PPP2R2B: variants seen among roughly 807,000 people sequenced by gnomAD.
The protein encoded by PPP2R2B is protein phosphatase 2 regulatory subunit Bbeta, also known as serine/threonine-protein phosphatase 2A 55 kDa regulatory subunit B beta isoform.
A neutral mutation model predicts 46.0 loss-of-function variants in PPP2R2B; 5 were observed. That is an observed-to-expected ratio of 0.11 (90% CI 0.06 to 0.23). The LOEUF is 0.23. Among genes scored for constraint, PPP2R2B ranks in the 10% least tolerant of loss-of-function variants. PPP2R2B has a pLI of 1.00. For synonymous variants in PPP2R2B, 215 were observed against 206.7 expected (o/e 1.04, Z -0.34); for missense variants, 367 against 575.0 (o/e 0.64, Z 3.70).
chr5:146,845,912 C>T (rs935266886), intron 2 of PPP2R2B, among the ~76,000 whole-genome samples: 9 of 152,140 alleles, frequency 5.9e-5, no homozygotes, highest in East Asian at 3.9e-4. Flanking sequence ...CCACTAACCA[C>T]GGGCCACTAT....
At chr5:146,791,393 T>A (rs972200468) in intron 2 of PPP2R2B, among the ~76,000 whole-genome samples, 2 of 152,124 alleles carry the variant, frequency 1.3e-5, no homozygotes, top group African/African-American at 4.8e-5. Flanking sequence ...CCCAATCTGC[T>A]GTGTGTATGT....
At chr5:146,758,585 G>T (rs1753974681) in intron 2 of PPP2R2B, among the ~76,000 whole-genome samples, 3 of 152,158 alleles carry the variant, frequency 2.0e-5, no homozygotes. Context: ...TCCCCATTAA[G>T]TTGGCTCCAT....
chr5:147,053,749 G>A (rs146524607), intron 1 of PPP2R2B, among the ~76,000 whole-genome samples: 83 of 152,208 alleles, frequency 5.5e-4, no homozygotes, highest in African/African-American at 1.9e-3. Flanking sequence ...AAAAACAGAC[G>A]GCACCTATCA....
chr5:146,876,150 G>T (rs1255119910), intron 2 of PPP2R2B, among the ~76,000 whole-genome samples: 2 of 152,192 alleles, frequency 1.3e-5, no homozygotes, highest in Admixed American at 6.5e-5. Context: ...TCACATGCCA[G>T]AAATCTCATT....
chr5:146,835,942 T>C (rs1759254457), intron 2 of PPP2R2B, among the ~76,000 whole-genome samples: 2 of 152,190 alleles, frequency 1.3e-5, no homozygotes, highest in South Asian at 4.1e-4. Flanking sequence ...ATTTAAGCTA[T>C]GGGACCAATT....
chr5:146,588,658 T>TAGA lies in PPP2R2B; in HGVS notation c.*1286_*1288dup, dbSNP rs940042634. 4 of 152,218 alleles carry TAGA rather than the reference T, an allele frequency of 2.6e-5. No individual in the cohort carries two copies. Among genetic ancestry groups the TAGA allele is most frequent in the African/African-American group, 7.2e-5 (3 of 41,460 alleles). The allele number at this position is 152,218 out of a possible 1,614,324, so 9.4% of individuals were successfully genotyped here. ...ATAGAACCTTCTGGAAATGGCTTTC[T>TAGA]AGAAGTTATAAATCTGGATCCTCAA... is the stretch of plus-strand genomic sequence containing the variant. On this transcript the variant is annotated 3_prime_UTR_variant, in exon 10 of 10. Coordinates refer to ENST00000394411, the MANE Select transcript of PPP2R2B (RefSeq NM_181675.4).
At chr5:147,042,894 A>T (rs1017270397) in intron 1 of PPP2R2B, among the ~76,000 whole-genome samples, 8 of 152,030 alleles carry the variant, frequency 5.3e-5, no homozygotes, top group Admixed American at 1.3e-4. Context: ...AGGGAGCCAC[A>T]AGTAGAAAGG....
intron 8 of PPP2R2B, among the ~76,000 whole-genome samples, chr5:146,599,153 C>A (rs1424960777): frequency 1.3e-5 from 2 of 152,158 alleles, no homozygotes; most frequent in African/African-American, 2.4e-5. Flanking sequence ...CTCTCTACTT[C>A]AAAGTCTGGT....
chr5:146,824,885 T>C (rs1403150276), intron 2 of PPP2R2B, among the ~76,000 whole-genome samples: 2 of 152,008 alleles, frequency 1.3e-5, no homozygotes, highest in Non-Finnish European at 2.9e-5. Flanking sequence ...ACCTGGCTAA[T>C]TTTTTGTGTG....
intron 1 of PPP2R2B, among the ~76,000 whole-genome samples, chr5:146,941,512 T>G (rs1764322738): frequency 6.6e-6 from 1 of 152,170 alleles, no homozygotes; most frequent in Admixed American, 6.5e-5. Context: ...TTCTGTTGCT[T>G]AGGGGTGTGT....
chr5:146,628,286 C>G (rs1455687090), intron 7 of PPP2R2B, among the ~76,000 whole-genome samples: 1 of 152,150 alleles, frequency 6.6e-6, no homozygotes, highest in Non-Finnish European at 1.5e-5. Flanking sequence ...TATGCCATTT[C>G]CCCCTCAGCA....
At chr5:146,807,560 AT>A (rs1209628953) in intron 2 of PPP2R2B, among the ~76,000 whole-genome samples, 1 of 152,094 alleles carries the variant, frequency 6.6e-6, no homozygotes, top group Non-Finnish European at 1.5e-5. Flanking sequence ...TATAGACCTC[AT>A]TTCATACTTA....
At chr5:146,997,280 T>C (rs920737967) in intron 1 of PPP2R2B, among the ~76,000 whole-genome samples, 5 of 152,162 alleles carry the variant, frequency 3.3e-5, no homozygotes, top group African/African-American at 1.2e-4. Context: ...GCCCTTCTGA[T>C]TCTCAAATCC....
chr5:146,881,800 A>C (rs1281803246), upstream of PPP2R2B, among the ~76,000 whole-genome samples: 1 of 152,174 alleles, frequency 6.6e-6, no homozygotes, highest in African/African-American at 2.4e-5. Context: ...CAAATGAATA[A>C]ATTGCTGAAT....
exon 1 of PPP2R2B, chr5:147,055,853 T>G: frequency 6.8e-7 from 1 of 1,480,272 alleles, no homozygotes; most frequent in Non-Finnish European, 8.9e-7. Context: ...TGTAGGTTCT[T>G]TCCCAGATTT....
chr5:146,829,983 A>G (rs13358456), intron 2 of PPP2R2B, among the ~76,000 whole-genome samples: 27,479 of 152,084 alleles, frequency 0.18, 2,902 homozygotes, highest in East Asian at 0.43. Flanking sequence ...GGTAAAATAG[A>G]TATTGTGAGA....
intron 2 of PPP2R2B, among the ~76,000 whole-genome samples, chr5:146,817,286 C>G (rs1000503419): frequency 1.3e-4 from 20 of 152,178 alleles, no homozygotes; most frequent in Non-Finnish European, 2.6e-4. Flanking sequence ...CCAATGTCAT[C>G]AACCAGAAAG....
At chr5:146,871,612 G>A (rs1364575960) in intron 2 of PPP2R2B, among the ~76,000 whole-genome samples, 1 of 152,228 alleles carries the variant, frequency 6.6e-6, no homozygotes, top group East Asian at 1.9e-4. Context: ...AAGGCCCAGA[G>A]ACGTGCACTG....
chr5:146,644,234 CAAAAAA>C (rs58634387), intron 6 of PPP2R2B, among the ~76,000 whole-genome samples: 69 of 60,668 alleles, frequency 1.1e-3, no homozygotes, highest in African/African-American at 3.9e-3. Flanking sequence ...AGGAAAGTTT[CAAAAAA>C]AAAAAAAAAA....
Sources: gnomAD v4.1 joint callset for allele counts (sites outside exome capture counted in the v4.1 genomes callset) on GRCh38, gnomAD v4.1.1 for gene constraint, MANE v1.5 for transcripts, NCBI Gene and HGNC (gene_info 2026-07-23, HGNC 2026-07-21) for gene names.